The following MAPK10 variants were observed in gnomAD, a reference collection of about 807,000 sequenced individuals.
The protein encoded by MAPK10 is JNK3 alpha protein kinase.
MAPK10 carries 25 observed loss-of-function variants against 59.3 expected under a neutral mutation model. The ratio of observed to expected loss-of-function variants is 0.42; its 90% CI spans 0.31 to 0.59. The LOEUF is 0.59. MAPK10 is among the 20% of genes least tolerant of loss of function. MAPK10 has a pLI of 0.15. For missense variants in MAPK10, 351 were observed against 568.9 expected (o/e 0.62, Z 3.90); for synonymous variants, 190 against 200.5 (o/e 0.95, Z 0.44).
intron 2 of MAPK10, among the ~76,000 whole-genome samples, chr4:86,216,827 A>G (rs979126702): frequency 1.3e-5 from 2 of 152,106 alleles, no homozygotes; most frequent in African/African-American, 4.8e-5. Context: ...ATAGTTACAA[A>G]TATAGTTTTA....
intron 1 of MAPK10, among the ~76,000 whole-genome samples, chr4:86,396,603 T>C (rs1290392869): frequency 6.6e-6 from 1 of 152,182 alleles, no homozygotes; most frequent in Non-Finnish European, 1.5e-5. Context: ...AGAAAAGAGA[T>C]TTAATTGGCT....
In MAPK10 at chr4:86,479,131, C is replaced by T. The variant is rs142112379; in HGVS notation, c.-263+114779G>A. On this transcript the variant is annotated intron_variant, in intron 1 of 4. Coordinates refer to the MAPK10 transcript ENST00000502302. The stretch of plus-strand genomic sequence containing the variant: ...ACAGGATCTGAGAAATGACCCACCA[C>T]GGTCATTTCTTTCCTTCTGTCAGAC... 2.7e-3 allele frequency among the ~76,000 whole-genome samples: 406 copies of T among 152,230 alleles called. 3 individuals carry two copies. The highest frequency in any genetic ancestry group is 0.01 in the Middle Eastern group (3 of 294).
chr4:86,214,163 T>C (rs1388813004), intron 2 of MAPK10, among the ~76,000 whole-genome samples: 1 of 151,992 alleles, frequency 6.6e-6, no homozygotes, highest in African/African-American at 2.4e-5. Context: ...GAAAAACCAT[T>C]TGACAAAATT....
chr4:86,062,973 T>A (rs1289276613), intron 11 of MAPK10, among the ~76,000 whole-genome samples: 1 of 152,136 alleles, frequency 6.6e-6, no homozygotes, highest in Non-Finnish European at 1.5e-5. Flanking sequence ...ATAAAATGAC[T>A]AAAAATTAAC....
chr4:86,412,351 C>T (rs968874039), intron 1 of MAPK10, among the ~76,000 whole-genome samples: 2 of 152,112 alleles, frequency 1.3e-5, no homozygotes, highest in Admixed American at 6.6e-5. Context: ...TTCATTTCAA[C>T]GTTGGTGAAT....
chr4:86,412,569 T>A (rs1159384427), intron 1 of MAPK10, among the ~76,000 whole-genome samples: 2 of 152,218 alleles, frequency 1.3e-5, no homozygotes, highest in African/African-American at 4.8e-5. Flanking sequence ...TTTCACATAG[T>A]CCCATATTTC....
chr4:86,293,800 A>G (rs1215850119), intron 2 of MAPK10, among the ~76,000 whole-genome samples: 1 of 151,952 alleles, frequency 6.6e-6, no homozygotes, highest in African/African-American at 2.4e-5. Flanking sequence ...TCTCAAAACA[A>G]CTCACTCACT....
chr4:86,118,662 T>C (rs2058694412), intron 4 of MAPK10, among the ~76,000 whole-genome samples: 1 of 152,134 alleles, frequency 6.6e-6, no homozygotes, highest in East Asian at 1.9e-4. Context: ...CAGGTATTTT[T>C]TTCTTCTGAC....
At chr4:86,191,502 CCTTT>C (rs2079773983) in intron 3 of MAPK10, 1 of 136,256 alleles carries the variant, frequency 7.3e-6, no homozygotes, top group Admixed American at 7.9e-5. Flanking sequence ...TTATGTAATG[CCTTT>C]CTTTGTCTTT....
intron 1 of MAPK10, among the ~76,000 whole-genome samples, chr4:86,556,574 G>A (rs1447744312): frequency 6.6e-6 from 1 of 152,018 alleles, no homozygotes; most frequent in Non-Finnish European, 1.5e-5. Flanking sequence ...CACTCACTGG[G>A]AAGAAAACAG....
chr4:86,267,404 G>T (rs2094286960), intron 2 of MAPK10, among the ~76,000 whole-genome samples: 1 of 152,074 alleles, frequency 6.6e-6, no homozygotes, highest in Non-Finnish European at 1.5e-5. Context: ...AAGCTACTCT[G>T]CCCCCTCAAG....
intron 2 of MAPK10, among the ~76,000 whole-genome samples, chr4:86,262,053 G>A (rs896832337): frequency 2.0e-5 from 3 of 152,142 alleles, no homozygotes; most frequent in South Asian, 2.1e-4. Flanking sequence ...GATTTGTTGC[G>A]CTATGATTTG....
At chr4:86,376,549 T>C (rs1408375120) in intron 1 of MAPK10, among the ~76,000 whole-genome samples, 1 of 152,230 alleles carries the variant, frequency 6.6e-6, no homozygotes, top group Non-Finnish European at 1.5e-5. Flanking sequence ...GGTCTCTGCT[T>C]AGACTGAGAG....
rs574730445 is a variant in MAPK10, at chr4:86,568,987, A to G, written c.-263+24923T>C. Among the ~76,000 whole-genome samples, 4 of 152,312 alleles carry G rather than the reference A, an allele frequency of 2.6e-5. No homozygotes were observed. The South Asian group carries it at 8.3e-4, about 32-fold the overall frequency. Reference sequence around the variant, plus strand: ...CTGAAAAGCTTCTGCACAGCAAAACAAACAATCAACGCAGTAAACAGACAA... The same window carrying G: ...CTGAAAAGCTTCTGCACAGCAAAACGAACAATCAACGCAGTAAACAGACAA... On this transcript the variant is annotated intron_variant, in intron 1 of 4. Transcript: ENST00000502302.
intron 9 of MAPK10, among the ~76,000 whole-genome samples, chr4:86,084,991 CTG>C (rs2051457546): frequency 6.6e-6 from 1 of 152,070 alleles, no homozygotes; most frequent in Non-Finnish European, 1.5e-5. Flanking sequence ...AGAACATACA[CTG>C]GGGAAAAGAC....
chr4:86,142,116 C>T (rs1043023805), intron 4 of MAPK10, among the ~76,000 whole-genome samples: 3 of 152,142 alleles, frequency 2.0e-5, no homozygotes, highest in Non-Finnish European at 2.9e-5. Context: ...ATGAGGGATC[C>T]ACCGCCAAAC....
At chr4:86,052,241 AAATT>A (rs1336523274) in intron 11 of MAPK10, among the ~76,000 whole-genome samples, 1 of 152,170 alleles carries the variant, frequency 6.6e-6, no homozygotes, top group Non-Finnish European at 1.5e-5. Context: ...CGAAGACAAT[AAATT>A]ATTTCCTAAA....
At chr4:86,516,930 T>C (rs1025853730) in intron 1 of MAPK10, among the ~76,000 whole-genome samples, 2 of 152,226 alleles carry the variant, frequency 1.3e-5, no homozygotes, top group Non-Finnish European at 2.9e-5. Flanking sequence ...TTGCTCTGGC[T>C]AGGACTTCCA....
intron 1 of MAPK10, among the ~76,000 whole-genome samples, chr4:86,471,683 G>A (rs1200127269): frequency 6.6e-6 from 1 of 152,168 alleles, no homozygotes; most frequent in Non-Finnish European, 1.5e-5. Flanking sequence ...CAAGCATGCT[G>A]AAACATAGTT....
Sources: gnomAD v4.1 joint callset for allele counts (sites outside exome capture counted in the v4.1 genomes callset) on GRCh38, gnomAD v4.1.1 for gene constraint, MANE v1.5 for transcripts, NCBI Gene and HGNC (gene_info 2026-07-23, HGNC 2026-07-21) for gene names.